SUPV3L1: variants seen among roughly 807,000 people sequenced by gnomAD.
The protein encoded by SUPV3L1 is ATP-dependent RNA helicase SUPV3L1, mitochondrial.
In SUPV3L1, 35 loss-of-function variants were observed where a neutral mutation model predicts 70.0. That is an observed-to-expected ratio of 0.50 (90% CI 0.38 to 0.66). The LOEUF is 0.66. Among genes scored for constraint, SUPV3L1 ranks in the 30% least tolerant of loss-of-function variants. The pLI is 0.00. For missense variants in SUPV3L1, 777 were observed against 961.5 expected (o/e 0.81, Z 2.54); for synonymous variants, 364 against 341.9 (o/e 1.06, Z -0.71).
chr10:69,183,791 C>T (rs529497555), intron 1 of SUPV3L1, among the ~76,000 whole-genome samples: 81 of 152,094 alleles, frequency 5.3e-4, no homozygotes, highest in African/African-American at 1.8e-3. Flanking sequence ...ACAATCATCA[C>T]CATAATTTCA....
At chr10:69,203,559 G>A (rs541359878) in intron 13 of SUPV3L1, among the ~76,000 whole-genome samples, 466 of 150,984 alleles carry the variant, frequency 3.1e-3, no homozygotes, top group Non-Finnish European at 6.0e-3. Flanking sequence ...AGCTACTCGG[G>A]AGGCTGAGGC....
intron 13 of SUPV3L1, among the ~76,000 whole-genome samples, chr10:69,204,551 T>TA (rs539325761): frequency 7.3e-5 from 11 of 150,226 alleles, no homozygotes; most frequent in African/African-American, 9.7e-5. Context: ...CTCTGCCCTT[T>TA]AAAAAAAAAA....
In SUPV3L1 at chr10:69,200,499, G is replaced by T. The variant is rs1173299659; in HGVS notation, c.1518G>T (p.Arg506Ser). 6.2e-7 allele frequency: 1 copy of T among 1,610,262 alleles called. No individual in the cohort carries two copies. The highest frequency in any genetic ancestry group is 1.3e-5 in the African/African-American group (1 of 74,840). ...EILKRPVDPI[R>S]AAGLHPTAEQ... ...TGAAGAGGCCTGTGGATCCTATAAG[G>T]GTAAGAGGTAACATGTTAACTACTG... The change falls in exon 11 of 15, where the codon AGG (arginine) becomes AGT (serine). Residue 506 changes from arginine (R) to serine (S), a missense_variant and splice_region_variant. This residue lies in a region of SUPV3L1 where 619 missense variants were observed against 823.3 expected (regional missense o/e 0.75). Transcript: ENST00000359655.
At chr10:69,185,593 C>T (rs528705412) in intron 1 of SUPV3L1, among the ~76,000 whole-genome samples, 8 of 151,896 alleles carry the variant, frequency 5.3e-5, no homozygotes, top group Non-Finnish European at 7.4e-5. Flanking sequence ...GCTCCGCCTC[C>T]CGGGTTCATG....
Position 69,202,976 on chromosome 10 carries a change from T to G in SUPV3L1, c.1709T>G (p.Val570Gly). ...CAGCATATTCCACTAAGTCTGCGAG[T>G]GAGGTATGTTTTCTGCACAGCTCCT... ...LIQHIPLSLR[V>G]RYVFCTAPIN... The change falls in exon 13 of 15, where the codon GTG becomes GGG. Residue 570 changes from valine to glycine, a missense_variant. By Grantham distance (109) the Val-to-Gly change is moderately radical. Coordinates refer to ENST00000359655, the MANE Select transcript of SUPV3L1 (RefSeq NM_003171.5). 6.2e-7 allele frequency: 1 copy of G among 1,614,076 alleles called. No individual in the cohort carries two copies. The highest frequency in any genetic ancestry group is 8.5e-7 in the Non-Finnish European group (1 of 1,179,994).
chr10:69,198,706 T>C (rs1564709091), intron 9 of SUPV3L1, among the ~76,000 whole-genome samples, 154 bp downstream of exon 9: 1 of 152,256 alleles, frequency 6.6e-6, no homozygotes, highest in African/African-American at 2.4e-5. Flanking sequence ...TAATTTTCTA[T>C]TTCATCTTAG....
chr10:69,204,433 A>T (rs1263960619), intron 13 of SUPV3L1, among the ~76,000 whole-genome samples: 1 of 152,170 alleles, frequency 6.6e-6, no homozygotes, highest in Admixed American at 6.6e-5. Flanking sequence ...TTTAAATAAC[A>T]TAAATAGTCC....
intron 12 of SUPV3L1, 130 bp from the exon 13 acceptor site, chr10:69,202,737 A>G (rs1370350805): frequency 9.1e-7 from 1 of 1,098,862 alleles, no homozygotes; most frequent in African/African-American, 1.6e-5. Flanking sequence ...TGAGGGAGTG[A>G]TTAAAGCAAG....
chr10:69,191,663 A>G lies in SUPV3L1; in HGVS notation c.750A>G (p.Pro250=). The G allele has an allele frequency of 6.2e-7, 1 of 1,613,944 alleles. No individual in the cohort carries two copies. The highest frequency in any genetic ancestry group is 2.2e-5 in the East Asian group (1 of 44,886). ...IFEKSNAAGV[P]CDLVTGEERV... ...TTTTTCTGTCTTTCTAGGGTGTGCCATGTGACTTGGTGACAGGTGAAGAGC... is the reference window on the plus strand; with the variant it reads ...TTTTTCTGTCTTTCTAGGGTGTGCCGTGTGACTTGGTGACAGGTGAAGAGC... Residue 250 remains proline (P), a synonymous_variant, in exon 6 of 15, where the codon CCA becomes CCG. Transcript: ENST00000359655.
At chr10:69,182,457 T>C (rs1268637375) in intron 1 of SUPV3L1, 1 of 896,656 alleles carries the variant, frequency 1.1e-6, no homozygotes, top group African/African-American at 1.8e-5. Flanking sequence ...AGGCATAAGG[T>C]AATTTGGATG....
At chr10:69,204,562 TTACA>T (rs1842772951) in intron 13 of SUPV3L1, among the ~76,000 whole-genome samples, 1 of 151,968 alleles carries the variant, frequency 6.6e-6, no homozygotes, top group South Asian at 2.1e-4. Context: ...AAAAAAAAAA[TTACA>T]TAAATAATAC....
intron 1 of SUPV3L1, among the ~76,000 whole-genome samples, chr10:69,184,632 C>CAG (rs1367525664): frequency 6.6e-6 from 1 of 151,706 alleles, no homozygotes; most frequent in Non-Finnish European, 1.5e-5. Flanking sequence ...CACACACACA[C>CAG]ACACACACAC....
rs112356505 is a variant in SUPV3L1 at position 69,186,339 on chromosome 10, A to G, written c.350-104A>G. On this transcript the variant is annotated intron_variant, in intron 2 of 14. Coordinates refer to ENST00000359655, the MANE Select transcript of SUPV3L1 (RefSeq NM_003171.5). Reference sequence around the variant, plus strand: ...AGCTGTACTGCCAAAAAAAAAAAAAAAAAAAGAAAAAAAAAGACTCTTTGA... The same window carrying G: ...AGCTGTACTGCCAAAAAAAAAAAAAGAAAAAGAAAAAAAAAGACTCTTTGA... The G allele has an allele frequency of 5.3e-4, 355 of 670,650 alleles. 5 individuals carry two copies. Among genetic ancestry groups the G allele is most frequent in the African/African-American group, 1.8e-3 (90 of 49,900 alleles). 41.5% of individuals were successfully genotyped at this position (670,650 alleles called of 1,614,324 possible).
At chr10:69,186,325 CAAAAAAAAAAAA>C (rs34197871) in intron 2 of SUPV3L1, 106 bp from the exon 3 acceptor site, 2 of 397,788 alleles carry the variant, frequency 5.0e-6, no homozygotes, top group East Asian at 5.5e-5. Context: ...GCTGTACTGC[CAAAAAAAAAAAA>C]AAAAAAAGAA....
intron 3 of SUPV3L1, chr10:69,187,433 G>A (rs938950744): frequency 2.0e-5 from 6 of 303,188 alleles, no homozygotes; most frequent in African/African-American, 1.5e-4. Context: ...TCAGTGTGTA[G>A]CCTCAACCTC....
chr10:69,208,058 G>T, intron 14 of SUPV3L1, 117 bp downstream of exon 14: 1 of 1,290,914 alleles, frequency 7.7e-7, no homozygotes, highest in Admixed American at 2.2e-5. Context: ...TCTATATTAT[G>T]TCTATTGTCC....
At chr10:69,188,989 T>C (rs760461416) in intron 4 of SUPV3L1, among the ~76,000 whole-genome samples, 2 of 152,242 alleles carry the variant, frequency 1.3e-5, no homozygotes, top group African/African-American at 2.4e-5. Flanking sequence ...CTTAAATTTA[T>C]TTTTAGTAAC....
At chr10:69,205,907 A>G (rs1842814377) in intron 13 of SUPV3L1, among the ~76,000 whole-genome samples, 1 of 152,130 alleles carries the variant, frequency 6.6e-6, no homozygotes, top group African/African-American at 2.4e-5. Context: ...GATCTTTGTC[A>G]TTACTGAACT....
Position 69,191,770 on chromosome 10 carries a change from T to C in SUPV3L1, c.853+4T>C, listed in dbSNP as rs758066927. The C allele has an allele frequency of 6.2e-7, 1 of 1,601,498 alleles. No individual in the cohort carries two copies. Among genetic ancestry groups the C allele is most frequent in the Non-Finnish European group, 8.5e-7 (1 of 1,170,230 alleles). On this transcript the variant is annotated splice_donor_region_variant and intron_variant, in intron 6 of 14. Coordinates refer to ENST00000359655, the MANE Select transcript of SUPV3L1 (RefSeq NM_003171.5). ...ATGTGCAGTGTTACAACTCCTTGTATGTATATGCTGTTTAAGAAACTATGG... is the reference window on the plus strand; with the variant it reads ...ATGTGCAGTGTTACAACTCCTTGTACGTATATGCTGTTTAAGAAACTATGG...
Sources: gnomAD v4.1 joint callset for allele counts (sites outside exome capture counted in the v4.1 genomes callset) on GRCh38, gnomAD v4.1.1 for gene constraint, gnomAD v4.1.1 regional missense constraint, MANE v1.5 for transcripts, NCBI Gene and HGNC (gene_info 2026-07-23, HGNC 2026-07-21) for gene names.